Variants in MCCC2 observed in about 807,000 individuals in gnomAD.
The protein encoded by MCCC2 is methylcrotonyl-CoA carboxylase subunit 2.
In MCCC2, 52 loss-of-function variants were observed where a neutral mutation model predicts 77.2. That is an observed-to-expected ratio of 0.67 (90% CI 0.54 to 0.85). MCCC2 has a LOEUF of 0.85. MCCC2 is among the 40% of genes least tolerant of loss of function. The probability of loss-of-function intolerance (pLI) is 0.00; values close to 1 mark genes in which losing one functional copy is unlikely to be tolerated. For missense variants in MCCC2, 682 were observed against 703.2 expected, an observed-to-expected ratio of 0.97 and a Z score of 0.34; for synonymous variants, 253 against 248.4, an observed-to-expected ratio of 1.02 and a Z score of -0.18.
intron 6 of MCCC2, among the ~76,000 whole-genome samples, chr5:71,617,414 C>T (rs546318701): frequency 2.0e-5 from 3 of 152,184 alleles, no homozygotes; most frequent in Admixed American, 1.3e-4. Context: ...CTAATTTCCT[C>T]TACTAGTCTG....
intron 1 of MCCC2, among the ~76,000 whole-genome samples, chr5:71,592,102 C>G (rs1745006850): frequency 6.6e-6 from 1 of 152,106 alleles, no homozygotes; most frequent in Non-Finnish European, 1.5e-5. Context: ...GATCCTTGGC[C>G]AGGTGCGGTG....
intron 6 of MCCC2, among the ~76,000 whole-genome samples, chr5:71,623,705 G>GT (rs1310653905): frequency 6.6e-6 from 1 of 152,170 alleles, no homozygotes; most frequent in Non-Finnish European, 1.5e-5. Flanking sequence ...CAAGTCACGG[G>GT]TTTGGGGGGA....
chr5:71,595,598 A>C (rs1169416185), intron 2 of MCCC2, among the ~76,000 whole-genome samples: 1 of 152,216 alleles, frequency 6.6e-6, no homozygotes, highest in Non-Finnish European at 1.5e-5. Flanking sequence ...TTTAATTATT[A>C]AAGGTACAAT....
chr5:71,649,345 T>A (rs754857623), intron 14 of MCCC2, 92 bp downstream of exon 14: 64 of 1,234,992 alleles, frequency 5.2e-5, no homozygotes, highest in Admixed American at 1.1e-4. Flanking sequence ...AAATATAGAA[T>A]GCCATTCCCA....
At chr5:71,631,943 A>G (rs1319357800) in intron 7 of MCCC2, among the ~76,000 whole-genome samples, 178 bp from the exon 8 acceptor site, 2 of 152,172 alleles carry the variant, frequency 1.3e-5, no homozygotes, top group African/African-American at 4.8e-5. Flanking sequence ...TTTCACCTGT[A>G]AGAGTAAAGA....
At chr5:71,603,112 A>G (rs1561823919) in intron 5 of MCCC2, 1 of 169,670 alleles carries the variant, frequency 5.9e-6, no homozygotes, top group African/African-American at 2.4e-5. Flanking sequence ...AAAGCAAAGC[A>G]GTTTAAAATG....
intron 6 of MCCC2, among the ~76,000 whole-genome samples, chr5:71,611,881 C>T (rs570525863): frequency 1.1e-3 from 169 of 151,736 alleles, no homozygotes; most frequent in African/African-American, 4.0e-3. Flanking sequence ...CTTTGCCTCC[C>T]GGGTTCACGC....
chr5:71,642,550 A>T lies in MCCC2; in HGVS notation c.1073-1269A>T, dbSNP rs73763907. 5.3e-3 allele frequency among the ~76,000 whole-genome samples: 811 copies of T among 152,252 alleles called. 10 individuals are homozygous for T. The highest frequency in any genetic ancestry group is 0.019 in the African/African-American group (769 of 41,534). ...CAGCGCATCCTGTCTGTGCCTGGAG[A>T]TCCCTAAGTGGGGCCTAGTGTGGGT... On this transcript the variant is annotated intron_variant, in intron 11 of 16. Coordinates refer to ENST00000340941, the MANE Select transcript of MCCC2 (RefSeq NM_022132.5).
In MCCC2 at chr5:71,608,477, C is replaced by T. The variant is rs1253309776; in HGVS notation, c.624+4009C>T. Among the ~76,000 whole-genome samples, 17 of 145,184 alleles carry T rather than the reference C, an allele frequency of 1.2e-4. No individual in the cohort carries two copies. In the East Asian group the frequency reaches 1.6e-3, roughly 14 times the overall value. ...TTTTGAGCCTATGTGTGTCTCTGCA[C>T]GTGAGATGGGTTTCCTGAATACAGC... On this transcript the variant is annotated intron_variant, in intron 6 of 16. Coordinates refer to ENST00000340941, the MANE Select transcript of MCCC2 (RefSeq NM_022132.5).
At chr5:71,648,489 A>G (rs1251069719) in intron 13 of MCCC2, among the ~76,000 whole-genome samples, 1 of 152,126 alleles carries the variant, frequency 6.6e-6, no homozygotes, top group African/African-American at 2.4e-5. Context: ...ATCTCTATGA[A>G]ACATTCATCT....
chr5:71,612,939 C>T (rs1580297220), intron 6 of MCCC2, among the ~76,000 whole-genome samples: 2 of 152,320 alleles, frequency 1.3e-5, no homozygotes, highest in South Asian at 2.1e-4. Flanking sequence ...AAGGCAGCAG[C>T]GGGGCTGTGC....
At chr5:71,634,442 A>G (rs1277129914) in intron 8 of MCCC2, among the ~76,000 whole-genome samples, 1 of 152,230 alleles carries the variant, frequency 6.6e-6, no homozygotes, top group Non-Finnish European at 1.5e-5. Context: ...GAGGGGGCTC[A>G]GAGTTCTCTC....
intron 1 of MCCC2, among the ~76,000 whole-genome samples, chr5:71,589,330 A>ATAT (rs1744883106): frequency 2.6e-5 from 4 of 152,248 alleles, no homozygotes; most frequent in African/African-American, 9.6e-5. Context: ...ACAACAGTAA[A>ATAT]TATTAGTCTC....
chr5:71,640,582 G>A (rs2112452704), intron 10 of MCCC2, among the ~76,000 whole-genome samples: 1 of 151,998 alleles, frequency 6.6e-6, no homozygotes, highest in South Asian at 2.1e-4. Context: ...AGACTCAGAG[G>A]GGTGAAGTGA....
intron 12 of MCCC2, 45 bp from the exon 13 acceptor site, chr5:71,646,166 G>T (rs1561846926): frequency 4.0e-6 from 6 of 1,497,412 alleles, no homozygotes; most frequent in South Asian, 1.1e-5. Context: ...GATGATAATA[G>T]AGTTAATTCC....
At chr5:71,602,836 C>T (rs1745495287) in intron 5 of MCCC2, 3 of 675,768 alleles carry the variant, frequency 4.4e-6, no homozygotes, top group East Asian at 5.8e-5. Flanking sequence ...GCATAATACT[C>T]ATACATTTTG....
intron 13 of MCCC2, among the ~76,000 whole-genome samples, chr5:71,648,833 T>C (rs989697373): frequency 7.9e-5 from 12 of 152,228 alleles, no homozygotes; most frequent in African/African-American, 2.7e-4. Context: ...CTCTTGAAGA[T>C]AGATTGCATC....
intron 10 of MCCC2, among the ~76,000 whole-genome samples, chr5:71,640,665 C>G (rs534471459): frequency 1.3e-5 from 2 of 152,314 alleles, no homozygotes; most frequent in African/African-American, 4.8e-5. Flanking sequence ...TGAGCCCTGT[C>G]TCTACCCAGC....
intron 3 of MCCC2, among the ~76,000 whole-genome samples, chr5:71,598,606 A>ATTTTTTTTT (rs34190236): frequency 6.4e-4 from 74 of 115,266 alleles, no homozygotes; most frequent in Non-Finnish European, 9.0e-4. Context: ...CGCCTGGCTA[A>ATTTTTTTTT]TTTTTTTTTT....
Sources: gnomAD v4.1 joint callset for allele counts (sites outside exome capture counted in the v4.1 genomes callset) on GRCh38, gnomAD v4.1.1 for gene constraint, MANE v1.5 for transcripts, NCBI Gene and HGNC (gene_info 2026-07-23, HGNC 2026-07-21) for gene names.